The following RARB variants were observed in gnomAD, a reference collection of about 807,000 sequenced individuals.
The protein encoded by RARB is HBV-activated protein.
RARB carries 17 observed loss-of-function variants against 51.9 expected under a neutral mutation model. That is an observed-to-expected ratio of 0.33 (90% CI 0.22 to 0.49). The LOEUF is 0.49. Ranked by LOEUF, RARB falls within the 20% of genes least tolerant of loss-of-function variation. The pLI is 0.99. For synonymous variants in RARB, 215 were observed against 195.4 expected, an observed-to-expected ratio of 1.10 and a Z score of -0.84; for missense variants, 369 against 550.8, an observed-to-expected ratio of 0.67 and a Z score of 3.30.
chr3:25,581,398 C>T (rs938547778), intron 5 of RARB, among the ~76,000 whole-genome samples: 7 of 152,150 alleles, frequency 4.6e-5, no homozygotes, highest in African/African-American at 1.7e-4. Context: ...GGGAGCTGCT[C>T]CCATCCAAGG....
intron 5 of RARB, among the ~76,000 whole-genome samples, chr3:25,316,905 C>A (rs980703646): frequency 6.6e-6 from 1 of 152,136 alleles, no homozygotes; most frequent in African/African-American, 2.4e-5. Context: ...TTAACCGTCT[C>A]ATTGTACGAT....
At chr3:24,994,712 G>T (rs1171929395) in intron 2 of RARB, among the ~76,000 whole-genome samples, 3 of 151,932 alleles carry the variant, frequency 2.0e-5, no homozygotes, top group Non-Finnish European at 2.9e-5. Context: ...TCTGCATGTG[G>T]ATATCCAGTT....
intron 2 of RARB, among the ~76,000 whole-genome samples, chr3:24,902,890 T>C (rs1309208235): frequency 1.3e-5 from 2 of 152,174 alleles, no homozygotes; most frequent in Non-Finnish European, 2.9e-5. Context: ...AGCAAAAATA[T>C]AAAGTACATA....
intron 5 of RARB, among the ~76,000 whole-genome samples, chr3:25,344,244 G>A (rs1705320186): frequency 6.6e-6 from 1 of 152,136 alleles, no homozygotes; most frequent in African/African-American, 2.4e-5. Context: ...CAAGAAGATA[G>A]TCACATCATA....
chr3:25,461,532 A>T (rs1695181692), intron 2 of RARB, among the ~76,000 whole-genome samples, 191 bp downstream of exon 2: 1 of 152,212 alleles, frequency 6.6e-6, no homozygotes, highest in African/African-American at 2.4e-5. Context: ...ACTTCTGCAA[A>T]TGACTGATGA....
chr3:24,955,702 G>A lies in RARB; in HGVS notation c.-380+96950G>A, dbSNP rs143730430. ...TATATGCCCTTTTTTTTAGGGGGTG[G>A]AAGGGAGCTGGGGATGTTAACAATT... On this transcript the variant is annotated intron_variant, in intron 2 of 11. Transcript: ENST00000383772. 3.8e-3 allele frequency among the ~76,000 whole-genome samples: 575 copies of A among 152,220 alleles called. 3 individuals are homozygous for A. The highest frequency in any genetic ancestry group is 0.014 in the Middle Eastern group (4 of 294).
intron 5 of RARB, among the ~76,000 whole-genome samples, chr3:25,184,133 G>GT (rs760019529): frequency 3.6e-5 from 5 of 137,590 alleles, no homozygotes; most frequent in East Asian, 2.0e-4. Flanking sequence ...TACAGAGTTT[G>GT]TTGTTTTTTT....
intron 1 of RARB, among the ~76,000 whole-genome samples, chr3:24,850,769 A>G (rs1174131876): frequency 6.6e-6 from 1 of 152,196 alleles, no homozygotes; most frequent in Non-Finnish European, 1.5e-5. Context: ...GACTGTTCAA[A>G]TGCAGATTCT....
intron 5 of RARB, among the ~76,000 whole-genome samples, chr3:25,177,766 C>T (rs1700785370): frequency 6.6e-6 from 1 of 152,304 alleles, no homozygotes; most frequent in South Asian, 2.1e-4. Context: ...CACAATGGCT[C>T]CATTCCCACA....
chr3:24,830,800 A>G (rs910114794), intron 1 of RARB, among the ~76,000 whole-genome samples: 1 of 152,008 alleles, frequency 6.6e-6, no homozygotes, highest in Admixed American at 6.5e-5. Context: ...GCGGAGGATA[A>G]GAAACCGAAT....
chr3:25,181,093 CTA>C (rs1700851544), intron 5 of RARB, among the ~76,000 whole-genome samples: 4 of 152,038 alleles, frequency 2.6e-5, no homozygotes, highest in Admixed American at 6.6e-5. Flanking sequence ...TTTCATAACT[CTA>C]TGTTTGCTGT....
intron 2 of RARB, among the ~76,000 whole-genome samples, chr3:25,007,239 C>T (rs1042647507): frequency 6.6e-6 from 1 of 152,132 alleles, no homozygotes; most frequent in Non-Finnish European, 1.5e-5. Context: ...AACATTTGCC[C>T]TTTGATCTTG....
intron 3 of RARB, among the ~76,000 whole-genome samples, chr3:25,093,812 C>T (rs1419583868): frequency 1.3e-5 from 2 of 152,112 alleles, no homozygotes; most frequent in African/African-American, 2.4e-5. Context: ...TTCCCACACC[C>T]CTATGATTGC....
intron 5 of RARB, among the ~76,000 whole-genome samples, chr3:25,276,742 G>A (rs1375632402): frequency 1.3e-5 from 2 of 152,176 alleles, no homozygotes; most frequent in African/African-American, 2.4e-5. Context: ...CAAATACCTA[G>A]AAAAGAGCAC....
chr3:25,004,116 G>A (rs906973733), intron 2 of RARB, among the ~76,000 whole-genome samples: 20 of 152,016 alleles, frequency 1.3e-4, no homozygotes, highest in African/African-American at 4.8e-4. Flanking sequence ...ACCCTATTGT[G>A]CCACCATTTC....
At chr3:25,289,630 T>C (rs1703739811) in intron 5 of RARB, among the ~76,000 whole-genome samples, 1 of 152,244 alleles carries the variant, frequency 6.6e-6, no homozygotes, top group South Asian at 2.1e-4. Flanking sequence ...GATTGCACTT[T>C]TCCTTCACCC....
intron 5 of RARB, among the ~76,000 whole-genome samples, chr3:25,401,185 A>G (rs17016368): frequency 0.034 from 5,207 of 152,288 alleles, 326 homozygotes; most frequent in African/African-American, 0.12. Context: ...GCATCCCTAG[A>G]GGACAACACC....
At chr3:25,228,219 T>A (rs1702098934) in intron 5 of RARB, among the ~76,000 whole-genome samples, 1 of 23,524 alleles carries the variant, frequency 4.3e-5, no homozygotes, top group Admixed American at 7.9e-4. Flanking sequence ...CTTTGAGGGT[T>A]TTTTTTTTTT....
At chr3:25,440,775 C>G (rs536846775) in intron 1 of RARB, among the ~76,000 whole-genome samples, 7 of 151,238 alleles carry the variant, frequency 4.6e-5, no homozygotes, top group Admixed American at 2.6e-4. Flanking sequence ...ACCGTCCCCC[C>G]CAAAAATAAA....
Sources: allele counts gnomAD v4.1 joint callset (sites outside exome capture counted in the v4.1 genomes callset), GRCh38; gene constraint gnomAD v4.1.1; transcripts MANE v1.5; gene names NCBI Gene and HGNC (gene_info 2026-07-23, HGNC 2026-07-21).